The following POM121 variants were observed in gnomAD, a reference collection of about 807,000 sequenced individuals.
POM121 encodes nuclear envelope pore membrane protein POM 121.
In POM121, 32 loss-of-function variants were observed where a neutral mutation model predicts 81.3. The ratio of observed to expected loss-of-function variants is 0.39; its 90% CI spans 0.30 to 0.53. The LOEUF is 0.53. Ranked by LOEUF, POM121 falls within the 20% of genes least tolerant of loss-of-function variation. The probability of loss-of-function intolerance (pLI) is 0.66; values close to 1 mark genes in which losing one functional copy is unlikely to be tolerated. For missense variants in POM121, 1,138 were observed against 1,614.6 expected (o/e 0.70, Z 5.06); for synonymous variants, 514 against 694.2 (o/e 0.74, Z 4.08).
In POM121 at chr7:72,946,576, C is replaced by T. The variant is rs1220494549; in HGVS notation, c.*342C>T. On this transcript the variant is annotated 3_prime_UTR_variant, in exon 13 of 13. Transcript: ENST00000434423. ...AGGCAGGCGCCCCTTCCACCTTTCC[C>T]CGAGACCGTCGTCGCTGGAGGGGGC... is the stretch of plus-strand genomic sequence containing the variant. 2 of 1,046,728 alleles carry T rather than the reference C, an allele frequency of 1.9e-6. No homozygotes were observed. Among genetic ancestry groups the T allele is most frequent in the Non-Finnish European group, 2.3e-6 (2 of 869,894 alleles). 64.8% of individuals were successfully genotyped at this position (1,046,728 alleles called of 1,614,324 possible).
In POM121 at chr7:72,925,488, C is replaced by G; in HGVS notation, c.367C>G (p.Arg123Gly). 6.5e-7 allele frequency: 1 copy of G among 1,533,732 alleles called. No homozygotes were observed. The highest frequency in any genetic ancestry group is 8.7e-7 in the Non-Finnish European group (1 of 1,146,540). Residue 123 changes from arginine (R) to glycine (G), a missense_variant, in exon 1 of 13, where the codon CGG (arginine) becomes GGG (glycine). Transcript: ENST00000434423. ...AGCCAACGGAAACCTCCTAGAGCCG[C>G]GGACCCTGCTCGAAGGACCTGACCC... ...STANGNLLEP[R>G]TLLEGPDPAE...
At chr7:72,885,634 CCTTTTA>C (rs1554489943) in intron 1 of POM121, among the ~76,000 whole-genome samples, 2 of 147,384 alleles carry the variant, frequency 1.4e-5, no homozygotes, top group African/African-American at 5.1e-5. Context: ...CTTATTCCAT[CCTTTTA>C]CTTTTAACCT....
At chr7:72,915,157 A>G (rs1330994143) in intron 4 of POM121, among the ~76,000 whole-genome samples, 1 of 152,116 alleles carries the variant, frequency 6.6e-6, no homozygotes, top group African/African-American at 2.4e-5. Flanking sequence ...CTTCCCTGGT[A>G]ATGTTAGATT....
At chr7:72,949,114 C>T (rs563255056), downstream of POM121, 49 of 1,577,694 alleles carry the variant, frequency 3.1e-5, no homozygotes, top group Admixed American at 5.0e-5. Context: ...TAAGGAAAAG[C>T]GTGTCTCGGT....
rs562638378 is a variant in POM121, at chr7:72,896,053, A to G, written c.-216+4943A>G. ...TTCAAGCTGGGCTTTGAGACGCATC[A>G]TGAGTTCAAAGGGGAGAGTAAGGGG... On this transcript the variant is annotated intron_variant, in intron 3 of 15. Transcript: ENST00000395270. Among the ~76,000 whole-genome samples the G allele has an allele frequency of 4.6e-4, 70 of 152,158 alleles. 2 individuals are homozygous for G. The South Asian group carries it at 0.014, about 31-fold the overall frequency.
intron 1 of POM121, among the ~76,000 whole-genome samples, chr7:72,883,061 A>G (rs1185214310): frequency 1.3e-5 from 2 of 151,568 alleles, no homozygotes; most frequent in African/African-American, 4.9e-5. Context: ...TTTTTTTGAG[A>G]TAGGGTCTTG....
chr7:72,942,846 C>T lies in POM121; in HGVS notation c.2853C>T (p.Pro951=), dbSNP rs781863362. ...SNTSTPTFNI[P]FGSSAKSPLP... ...CGAGCACCCCCACGTTCAACATTCC[C>T]TTTGGCTCAAGCGCCAAGTCCCCGC... Residue 951 remains proline, a synonymous_variant, in exon 11 of 13, where the codon CCC becomes CCT. Transcript: ENST00000434423. 8.2e-6 allele frequency: 13 copies of T among 1,577,288 alleles called. No homozygotes were observed. The highest frequency in any genetic ancestry group is 1.0e-5 in the Non-Finnish European group (12 of 1,163,760).
chr7:72,888,923 C>T (rs1170435776), intron 1 of POM121, among the ~76,000 whole-genome samples: 8 of 151,620 alleles, frequency 5.3e-5, no homozygotes, highest in African/African-American at 1.9e-4. Flanking sequence ...CAAGATTTTT[C>T]TTCTTTGCTG....
chr7:72,930,761 A>G (rs370357344), intron 5 of POM121, among the ~76,000 whole-genome samples: 1 of 152,180 alleles, frequency 6.6e-6, no homozygotes. Flanking sequence ...TGGGAGGTCA[A>G]GGTGGGAGAA....
chr7:72,886,667 C>CT (rs1261388979), intron 1 of POM121, among the ~76,000 whole-genome samples: 1 of 152,020 alleles, frequency 6.6e-6, no homozygotes, highest in African/African-American at 2.4e-5. Flanking sequence ...TGTGTCTTTG[C>CT]TTTTAAAGGT....
At chr7:72,886,203 T>C (rs1216864873) in intron 1 of POM121, among the ~76,000 whole-genome samples, 35 of 151,768 alleles carry the variant, frequency 2.3e-4, no homozygotes, top group Admixed American at 6.6e-4. Context: ...AGACAGAGTC[T>C]CACTCTGTCC....
chr7:72,946,589 C>T lies in POM121; in HGVS notation c.*355C>T, dbSNP rs561073054. 1.5e-5 allele frequency: 16 copies of T among 1,037,840 alleles called. No individual in the cohort carries two copies. Among genetic ancestry groups the T allele is most frequent in the East Asian group, 8.7e-5 (1 of 11,558 alleles). 64.3% of individuals were successfully genotyped at this position (1,037,840 alleles called of 1,614,324 possible). ...TTCCACCTTTCCCCGAGACCGTCGT[C>T]GCTGGAGGGGGCAGGGTCCAGCCCG... On this transcript the variant is annotated 3_prime_UTR_variant, in exon 13 of 13. Transcript: ENST00000434423.
chr7:72,895,757 A>G (rs1791881954), intron 3 of POM121, among the ~76,000 whole-genome samples: 1 of 151,788 alleles, frequency 6.6e-6, no homozygotes, highest in Admixed American at 6.6e-5. Flanking sequence ...AAATATAGAA[A>G]AATTAGCCAG....
At chr7:72,897,888 G>T (rs1243926082) in intron 3 of POM121, among the ~76,000 whole-genome samples, 2 of 152,156 alleles carry the variant, frequency 1.3e-5, no homozygotes, top group Non-Finnish European at 2.9e-5. Context: ...GTTTGGTGGT[G>T]CGTGCCTGTA....
intron 3 of POM121, among the ~76,000 whole-genome samples, chr7:72,906,305 T>C (rs575910925): frequency 3.4e-4 from 52 of 152,302 alleles, no homozygotes; most frequent in African/African-American, 1.2e-3. Flanking sequence ...CAGAGACCCA[T>C]CGGACCCACC....
chr7:72,907,550 G>A (rs548423446), intron 3 of POM121, among the ~76,000 whole-genome samples: 27 of 149,748 alleles, frequency 1.8e-4, no homozygotes, highest in African/African-American at 5.7e-4. Context: ...TCACTCTGTC[G>A]CCCAGGCTGG....
intron 3 of POM121, among the ~76,000 whole-genome samples, chr7:72,904,403 T>C (rs1793027205): frequency 6.6e-6 from 1 of 152,222 alleles, no homozygotes; most frequent in African/African-American, 2.4e-5. Flanking sequence ...TACAGTGTTT[T>C]CAAGGAATAC....
chr7:72,934,150 C>T lies in POM121; in HGVS notation c.1275+4039C>T, dbSNP rs2695400. 7.4e-4 allele frequency among the ~76,000 whole-genome samples: 113 copies of T among 151,780 alleles called. 1 individual carries two copies. The highest frequency in any genetic ancestry group is 4.9e-3 in the Admixed American group (74 of 15,234). ...CCCGGGCTGGAGTGCAGTGCTGTGA[C>T]CTTGGCTCACTGCAACCTCCACCTC... On this transcript the variant is annotated intron_variant, in intron 5 of 12. Coordinates refer to ENST00000434423, the MANE Select transcript of POM121 (RefSeq NM_001387691.1).
downstream of POM121, chr7:72,949,461 C>A (rs545821778): frequency 6.3e-7 from 1 of 1,584,366 alleles, no homozygotes; most frequent in East Asian, 2.2e-5. Flanking sequence ...ATGCCAGCCG[C>A]CTGGCATCCA....
Sources: gnomAD v4.1 joint callset for allele counts (sites outside exome capture counted in the v4.1 genomes callset) on GRCh38, gnomAD v4.1.1 for gene constraint, MANE v1.5 for transcripts, NCBI Gene and HGNC (gene_info 2026-07-23, HGNC 2026-07-21) for gene names.